The following FANCL variants were observed in gnomAD, a reference collection of about 807,000 sequenced individuals.
FANCL encodes the protein FA complementation group L.
FANCL carries 69 observed loss-of-function variants against 59.4 expected under a neutral mutation model. That is an observed-to-expected ratio of 1.16 (90% CI 0.96 to 1.42). The LOEUF (loss-of-function observed/expected upper bound fraction) is 1.42. Among genes scored for constraint, FANCL ranks in the 40% most tolerant of loss-of-function variants. FANCL has a pLI of 0.00. For missense variants in FANCL, 519 were observed against 447.2 expected (o/e 1.16, Z -1.45); for synonymous variants, 180 against 147.1 (o/e 1.22, Z -1.62).
intron 2 of FANCL, among the ~76,000 whole-genome samples, chr2:58,231,656 C>A (rs1361469040): frequency 6.6e-6 from 1 of 152,122 alleles, no homozygotes; most frequent in African/African-American, 2.4e-5. Flanking sequence ...AATGTTGGTA[C>A]CTAATTTAAG....
intron 7 of FANCL, among the ~76,000 whole-genome samples, chr2:58,198,032 T>A (rs1411468774): frequency 6.6e-6 from 1 of 151,552 alleles, no homozygotes; most frequent in Non-Finnish European, 1.5e-5. Context: ...CTGGATGGTG[T>A]GTGTGTGTGT....
At chr2:58,239,698 T>C (rs1694337727) in intron 1 of FANCL, among the ~76,000 whole-genome samples, 1 of 152,218 alleles carries the variant, frequency 6.6e-6, no homozygotes, top group South Asian at 2.1e-4. Context: ...TATGCTCAAG[T>C]ATTTAGGGAT....
chr2:58,231,090 T>C (rs1693536728), intron 2 of FANCL, among the ~76,000 whole-genome samples: 1 of 152,220 alleles, frequency 6.6e-6, no homozygotes, highest in Non-Finnish European at 1.5e-5. Context: ...CTTGAAAGAC[T>C]CTGCTGCCCA....
intron 7 of FANCL, among the ~76,000 whole-genome samples, chr2:58,175,054 G>C (rs1219943449): frequency 6.6e-6 from 1 of 151,466 alleles, no homozygotes; most frequent in Non-Finnish European, 1.5e-5. Flanking sequence ...TAAATTCCTC[G>C]ACACATACTC....
At chr2:58,225,203 A>G (rs1260031241) in intron 4 of FANCL, among the ~76,000 whole-genome samples, 11 of 151,626 alleles carry the variant, frequency 7.3e-5, no homozygotes, top group Non-Finnish European at 3.0e-5. Flanking sequence ...AATATATAAA[A>G]ATCTATGAGT....
chr2:58,190,458 T>TA (rs1688817322), intron 7 of FANCL, among the ~76,000 whole-genome samples: 1 of 127,958 alleles, frequency 7.8e-6, no homozygotes, highest in Non-Finnish European at 1.6e-5. Flanking sequence ...TATTGTGTAC[T>TA]ATTCAAAAAG....
At chr2:58,195,497 T>C (rs923245104) in intron 7 of FANCL, among the ~76,000 whole-genome samples, 11 of 152,108 alleles carry the variant, frequency 7.2e-5, no homozygotes, top group African/African-American at 2.4e-4. Flanking sequence ...TTCTGAACTA[T>C]AGCAGAATAT....
chr2:58,169,392 A>C (rs914691997), intron 7 of FANCL, among the ~76,000 whole-genome samples: 1 of 152,216 alleles, frequency 6.6e-6, no homozygotes, highest in Non-Finnish European at 1.5e-5. Flanking sequence ...CCAAAACCCC[A>C]TATGAAAGTC....
intron 12 of FANCL, among the ~76,000 whole-genome samples, chr2:58,160,657 C>T (rs1184789931): frequency 1.3e-5 from 2 of 151,810 alleles, no homozygotes; most frequent in African/African-American, 4.8e-5. Context: ...TAAGCATGAG[C>T]CAGTGAATTT....
intron 7 of FANCL, among the ~76,000 whole-genome samples, chr2:58,178,848 A>C (rs1687636690): frequency 6.6e-6 from 1 of 152,216 alleles, no homozygotes; most frequent in Non-Finnish European, 1.5e-5. Flanking sequence ...ATCTCAGCCC[A>C]AAATCTCCTT....
chr2:58,172,943 G>A (rs1007148426), intron 7 of FANCL, among the ~76,000 whole-genome samples: 2 of 152,222 alleles, frequency 1.3e-5, no homozygotes, highest in Non-Finnish European at 2.9e-5. Context: ...AGTGCTTAAA[G>A]CAGCTGATGG....
intron 7 of FANCL, among the ~76,000 whole-genome samples, chr2:58,183,882 C>T (rs1271394496): frequency 6.6e-6 from 1 of 151,986 alleles, no homozygotes; most frequent in East Asian, 1.9e-4. Context: ...AAGGAAATCA[C>T]AGCTCTCATA....
chr2:58,168,728 C>G (rs1686218043), intron 7 of FANCL, among the ~76,000 whole-genome samples: 1 of 152,120 alleles, frequency 6.6e-6, no homozygotes. Context: ...GCACAGCAGT[C>G]TGAAGTAGAC....
At chr2:58,204,012 T>C (rs932662248) in intron 6 of FANCL, 118 bp downstream of exon 6, 13 of 817,894 alleles carry the variant, frequency 1.6e-5, no homozygotes, top group Non-Finnish European at 2.7e-5. Context: ...ATCAATGTTT[T>C]AAAGCATGAT....
chr2:58,167,751 G>A (rs965720147), intron 7 of FANCL, among the ~76,000 whole-genome samples: 2 of 152,174 alleles, frequency 1.3e-5, no homozygotes, highest in East Asian at 3.9e-4. Flanking sequence ...GCCATTTGAG[G>A]TAGATACATT....
At chr2:58,173,126 A>G (rs998420590) in intron 7 of FANCL, among the ~76,000 whole-genome samples, 10 of 152,216 alleles carry the variant, frequency 6.6e-5, no homozygotes, top group Non-Finnish European at 1.2e-4. Context: ...TCCAAGAAAT[A>G]TGGCACCATG....
At position 58,241,322 on chromosome 2, in the gene FANCL, G is replaced by A. The variant is rs752861007; in HGVS notation, c.-9C>T. The A allele has an allele frequency of 6.2e-7, 1 of 1,613,822 alleles. No homozygotes were observed. On this transcript the variant is annotated 5_prime_UTR_variant, in exon 1 of 14. Transcript: ENST00000233741. ...GCTTCCGTCACCGCCATGGCTCGAA[G>A]TCCGGAGAAACACAGAAAAGCTCTA...
intron 5 of FANCL, among the ~76,000 whole-genome samples, chr2:58,218,618 C>CAA (rs112229739): frequency 2.6e-5 from 3 of 114,922 alleles, no homozygotes; most frequent in Non-Finnish European, 1.9e-5. Flanking sequence ...CCTATAAAGG[C>CAA]AAAAAAAAAA....
intron 8 of FANCL, among the ~76,000 whole-genome samples, chr2:58,164,121 C>T (rs1366327581): frequency 6.6e-6 from 1 of 151,976 alleles, no homozygotes; most frequent in Non-Finnish European, 1.5e-5. Context: ...TTTCGCAAGA[C>T]CTAAGAAAAT....
Sources: gnomAD v4.1 joint callset for allele counts (sites outside exome capture counted in the v4.1 genomes callset) on GRCh38, gnomAD v4.1.1 for gene constraint, MANE v1.5 for transcripts, NCBI Gene and HGNC (gene_info 2026-07-23, HGNC 2026-07-21) for gene names.